Variants in CHAT observed in about 807,000 individuals in gnomAD.
CHAT encodes the protein choline O-acetyltransferase.
In CHAT, 61 loss-of-function variants were observed where a neutral mutation model predicts 76.9. The ratio of observed to expected loss-of-function variants is 0.79; its 90% confidence interval spans 0.65 to 0.98. The LOEUF (loss-of-function observed/expected upper bound fraction) is 0.98, where lower values mean the gene tolerates loss of function less well. Among genes scored for constraint, CHAT ranks in the 50% least tolerant of loss-of-function variants. CHAT has a pLI of 0.00. For synonymous variants in CHAT, 407 were observed against 397.4 expected (o/e 1.02, Z -0.29); for missense variants, 946 against 986.9 (o/e 0.96, Z 0.56).
In CHAT at chr10:49,639,855, C is replaced by A. The variant is rs183060457; in HGVS notation, c.1112-6650C>A. Reference sequence around the variant, plus strand: ...TGGGAATTTGGTGACATAAACATCACCTTTTGTCTCAAAGGTGCCTTAGAC... The same window carrying A: ...TGGGAATTTGGTGACATAAACATCAACTTTTGTCTCAAAGGTGCCTTAGAC... On this transcript the variant is annotated intron_variant, in intron 7 of 14. Coordinates refer to ENST00000337653, the MANE Select transcript of CHAT (RefSeq NM_020549.5). Among the ~76,000 whole-genome samples the A allele has an allele frequency of 6.5e-3, 988 of 152,006 alleles. 11 individuals are homozygous for A. The highest frequency in any genetic ancestry group is 0.023 in the African/African-American group (940 of 41,470).
At chr10:49,638,647 T>C (rs936690548) in intron 7 of CHAT, among the ~76,000 whole-genome samples, 4 of 152,196 alleles carry the variant, frequency 2.6e-5, no homozygotes, top group Admixed American at 2.6e-4. Flanking sequence ...ATACATAACT[T>C]ATCACAGTTT....
chr10:49,615,562 G>C (rs993580077), intron 1 of CHAT, among the ~76,000 whole-genome samples: 1 of 152,204 alleles, frequency 6.6e-6, no homozygotes, highest in Non-Finnish European at 1.5e-5. Flanking sequence ...GTGGGGAGAG[G>C]GGTGAGGAAA....
rs1278062786 is a variant in CHAT at position 49,666,093 on chromosome 10, G to A, written c.*1047G>A. ...TTAGGCAGCTGGGCTCCTTTATTTG[G>A]AGCAGGCTATCCAGGGACTCTGACA... On this transcript the variant is annotated 3_prime_UTR_variant, in exon 15 of 15. Coordinates refer to ENST00000337653, the MANE Select transcript of CHAT (RefSeq NM_020549.5). Among the ~76,000 whole-genome samples the A allele has an allele frequency of 1.3e-5, 2 of 152,170 alleles. No individual in the cohort carries two copies. The highest frequency in any genetic ancestry group is 2.4e-5 in the African/African-American group (1 of 41,438).
chr10:49,650,033 G>T (rs1401204142), intron 10 of CHAT, among the ~76,000 whole-genome samples: 1 of 152,166 alleles, frequency 6.6e-6, no homozygotes, highest in Non-Finnish European at 1.5e-5. Flanking sequence ...ACTTGACAAA[G>T]GGGCCTTTTT....
Position 49,614,164 on chromosome 10 carries a change from T to C in CHAT, c.-26T>C. 1 of 1,514,250 alleles carries C rather than the reference T, an allele frequency of 6.6e-7. No homozygotes were observed. Among genetic ancestry groups the C allele is most frequent in the Non-Finnish European group, 8.8e-7 (1 of 1,139,350 alleles). The allele number at this position is 1,514,250 out of a possible 1,614,324, so 93.8% of individuals were successfully genotyped here. ...AGATTCTGGGGGCCGGGAGCTGAGATCCCTGGGCGGGGAGCTGGGGAAGGG... is the reference window on the plus strand; with the variant it reads ...AGATTCTGGGGGCCGGGAGCTGAGACCCCTGGGCGGGGAGCTGGGGAAGGG... On this transcript the variant is annotated 5_prime_UTR_variant, in exon 1 of 15. Coordinates refer to ENST00000337653, the MANE Select transcript of CHAT (RefSeq NM_020549.5).
intron 7 of CHAT, among the ~76,000 whole-genome samples, chr10:49,645,132 G>A (rs1258172959): frequency 1.3e-5 from 2 of 152,166 alleles, no homozygotes; most frequent in East Asian, 1.9e-4. Flanking sequence ...TATAGCTCTA[G>A]TTTGTTATCC....
intron 1 of CHAT, chr10:49,615,937 C>A: frequency 8.4e-7 from 1 of 1,193,434 alleles, no homozygotes; most frequent in Non-Finnish European, 1.2e-6. Context: ...GCCAGGCTCC[C>A]AATTAGCCCA....
At position 49,651,841 on chromosome 10, in the gene CHAT, T is replaced by A. The variant is rs1410671802; in HGVS notation, c.1512-43T>A. ...GGGGAAACCCCAGATGCATGCATAC[T>A]GTTTTGCATGCAATAAAAACATCTT... On this transcript the variant is annotated intron_variant, in intron 10 of 14. Transcript: ENST00000337653. 4 of 1,586,990 alleles carry A rather than the reference T, an allele frequency of 2.5e-6. No individual in the cohort carries two copies. The African/African-American group carries it at 4.0e-5, about 16-fold the overall frequency.
chr10:49,640,710 T>G (rs1839450828), intron 7 of CHAT, among the ~76,000 whole-genome samples: 1 of 151,586 alleles, frequency 6.6e-6, no homozygotes, highest in Non-Finnish European at 1.5e-5. Context: ...CTGGCAAGGG[T>G]GCTGGGGGAG....
intron 11 of CHAT, 77 bp downstream of exon 11, chr10:49,652,083 T>A (rs1839898205): frequency 6.3e-6 from 10 of 1,595,130 alleles, no homozygotes; most frequent in Non-Finnish European, 8.6e-6. Context: ...TCTAGAAGCA[T>A]CCTGGAGGGA....
At chr10:49,639,270 A>C (rs976021976) in intron 7 of CHAT, among the ~76,000 whole-genome samples, 29 of 152,112 alleles carry the variant, frequency 1.9e-4, no homozygotes, top group African/African-American at 6.5e-4. Context: ...AAACAAAAAA[A>C]CACTTTATTT....
intron 9 of CHAT, 23 bp downstream of exon 9, chr10:49,648,630 C>T: frequency 2.6e-6 from 4 of 1,530,944 alleles, no homozygotes; most frequent in Non-Finnish European, 3.6e-6. Flanking sequence ...CCCAGGGCTG[C>T]CATGCTGGGC....
chr10:49,612,473 GCCCAAAT>G, upstream of CHAT: 1 of 861,072 alleles, frequency 1.2e-6, no homozygotes, highest in Non-Finnish European at 1.8e-6. Context: ...CTTGACTTCT[GCCCAAAT>G]CCCCTCCCTG....
chr10:49,643,600 A>G (rs1839559675), intron 7 of CHAT, among the ~76,000 whole-genome samples: 1 of 152,172 alleles, frequency 6.6e-6, no homozygotes, highest in Non-Finnish European at 1.5e-5. Context: ...GAGCCTTGCA[A>G]GGGGGAAGAA....
chr10:49,614,067 CG>C lies in CHAT; in HGVS notation c.-120del. 1 of 1,513,258 alleles carries C rather than the reference CG, an allele frequency of 6.6e-7. No individual in the cohort carries two copies. Among genetic ancestry groups the C allele is most frequent in the Non-Finnish European group, 8.9e-7 (1 of 1,124,590 alleles). 93.7% of individuals were successfully genotyped at this position (1,513,258 alleles called of 1,614,324 possible). A position where few individuals can be genotyped will look rare whatever the true frequency, so the allele number is the denominator to read the frequency against. On this transcript the variant is annotated 5_prime_UTR_variant, in exon 1 of 15. It removes the in-frame stop codon of an upstream open reading frame in the 5' UTR. Transcript: ENST00000337653. ...CTGAGCTAGGGGCAGGAGGCATGGGCGGGACAGTGTTCTGTGCCCCCTTCTA... is the reference window on the plus strand; with the variant it reads ...CTGAGCTAGGGGCAGGAGGCATGGGCGGACAGTGTTCTGTGCCCCCTTCTA...
chr10:49,620,608 G>A lies in CHAT; in HGVS notation c.693G>A (p.Gln231=). The A allele has an allele frequency of 6.2e-7, 1 of 1,610,712 alleles. No individual in the cohort carries two copies. Residue 231 remains glutamine, a synonymous_variant, in exon 4 of 15, where the codon CAG becomes CAA. Coordinates refer to ENST00000337653, the MANE Select transcript of CHAT (RefSeq NM_020549.5). ...ARQHFPGTDD[Q]LRFAASLISG... ...AGCACTTCCCTGGCACCGATGACCA[G>A]CTGAGGTGAGGCCTTGGTGCTCCTA...
chr10:49,649,696 C>A, intron 10 of CHAT, 60 bp downstream of exon 10: 1 of 1,596,298 alleles, frequency 6.3e-7, no homozygotes, highest in African/African-American at 1.3e-5. Context: ...CCCTTGCCTA[C>A]TAGCTCCCAA....
At chr10:49,648,761 T>C (rs1839770179) in intron 9 of CHAT, among the ~76,000 whole-genome samples, 154 bp downstream of exon 9, 4 of 141,988 alleles carry the variant, frequency 2.8e-5, no homozygotes, top group African/African-American at 1.2e-4. Context: ...ACACACACGA[T>C]GAATTTGAAA....
intron 7 of CHAT, among the ~76,000 whole-genome samples, chr10:49,636,194 T>C (rs574439141): frequency 2.6e-5 from 4 of 152,350 alleles, no homozygotes; most frequent in South Asian, 2.1e-4. Context: ...CTTCTGGTAC[T>C]AGTTCAATAA....
Sources: allele counts gnomAD v4.1 joint callset (sites outside exome capture counted in the v4.1 genomes callset), GRCh38; gene constraint gnomAD v4.1.1; transcripts MANE v1.5; gene names NCBI Gene and HGNC (gene_info 2026-07-23, HGNC 2026-07-21).